The following ZNF487 variants were observed in gnomAD, a reference collection of about 807,000 sequenced individuals.
The protein encoded by ZNF487 is zinc finger protein 487, also known as KRAB domain only 1.
A neutral mutation model predicts 3.0 loss-of-function variants in ZNF487; 4 were observed. The ratio of observed to expected loss-of-function variants is 1.35; its 90% CI spans 0.66 to 3.08. The LOEUF (loss-of-function observed/expected upper bound fraction) is 3.08, where lower values mean the gene tolerates loss of function less well. Ranked by LOEUF, ZNF487 falls within the 30% of genes most tolerant of loss-of-function variation. The pLI is 0.01. For synonymous variants in ZNF487, 55 were observed against 34.6 expected, an observed-to-expected ratio of 1.59 and a Z score of -2.06; for missense variants, 146 against 98.7, an observed-to-expected ratio of 1.48 and a Z score of -2.03.
upstream of ZNF487, chr10:43,436,981 G>A (rs560329938): frequency 2.3e-5 from 10 of 438,908 alleles, no homozygotes; most frequent in East Asian, 8.8e-4. Context: ...TAGCAGGGTG[G>A]GATGCCCGTG....
At chr10:43,485,656 TTAGTA>T (rs1366713493), downstream of ZNF487, among the ~76,000 whole-genome samples, 11 of 152,198 alleles carry the variant, frequency 7.2e-5, no homozygotes, top group African/African-American at 2.7e-4. Context: ...GGTATGTAGA[TTAGTA>T]GAGTAACCAC....
At chr10:43,474,318 G>A (rs554419333) in intron 1 of ZNF487, among the ~76,000 whole-genome samples, 11 of 152,104 alleles carry the variant, frequency 7.2e-5, no homozygotes, top group African/African-American at 2.6e-4. Context: ...GCCAGGCGTG[G>A]TGGTGCGCCC....
At chr10:43,464,638 A>G (rs1052733447) in intron 1 of ZNF487, among the ~76,000 whole-genome samples, 1 of 152,206 alleles carries the variant, frequency 6.6e-6, no homozygotes, top group Non-Finnish European at 1.5e-5. Flanking sequence ...CCCTTAATCC[A>G]TTTAACCCTG....
rs1223591032 is a variant in ZNF487, at chr10:43,479,090, TATATATACACAC to T, written c.131-2327_131-2316del. On this transcript the variant is annotated intron_variant, in intron 3 of 3. Transcript: ENST00000437590. ...ATATGTATGTATGTATGTGTGTATATATATATACACACATATATACACATATATATGTGTGTA... is the reference window on the plus strand; with the variant it reads ...ATATGTATGTATGTATGTGTGTATATATATATACACATATATATGTGTGTA... Among the ~76,000 whole-genome samples, 11 of 129,918 alleles carry T rather than the reference TATATATACACAC, an allele frequency of 8.5e-5. 1 individual carries two copies. In the East Asian group the frequency reaches 9.5e-4, roughly 11 times the overall value. 85.2% of individuals were successfully genotyped at this position (129,918 alleles called of 152,430 possible).
At chr10:43,451,801 G>C (rs1486857674) in intron 1 of ZNF487, 11 of 152,296 alleles carry the variant, frequency 7.2e-5, no homozygotes, top group Non-Finnish European at 1.5e-5. Context: ...CCGACTTCAG[G>C]TGATCCTCCT....
intron 3 of ZNF487, among the ~76,000 whole-genome samples, chr10:43,480,020 TTTC>T (rs1841278890): frequency 1.5e-5 from 1 of 68,294 alleles, no homozygotes; most frequent in African/African-American, 3.4e-5. Flanking sequence ...TCTTTCTTTC[TTTC>T]TTTCTTTCTT....
the ZNF487 span, among the ~76,000 whole-genome samples, chr10:43,507,611 C>T: frequency 6.6e-6 from 1 of 152,230 alleles, no homozygotes; most frequent in Non-Finnish European, 1.5e-5. Flanking sequence ...CCATGCAAAA[C>T]CCCTAGCCAG....
chr10:43,463,300 A>C (rs1840501771), intron 1 of ZNF487, among the ~76,000 whole-genome samples: 1 of 151,574 alleles, frequency 6.6e-6, no homozygotes, highest in African/African-American at 2.4e-5. Flanking sequence ...CACTTTGGGA[A>C]GCCGAGGCAG....
At chr10:43,510,326 A>C in the ZNF487 span, among the ~76,000 whole-genome samples, 1 of 152,102 alleles carries the variant, frequency 6.6e-6, no homozygotes, top group Non-Finnish European at 1.5e-5. Context: ...GAGTGACCCA[A>C]ACCTTCATTC....
chr10:43,444,993 A>G (rs1258691414), intron 1 of ZNF487, among the ~76,000 whole-genome samples: 1 of 152,096 alleles, frequency 6.6e-6, no homozygotes, highest in Non-Finnish European at 1.5e-5. Context: ...GCTTTAAATC[A>G]TGACACAGCT....
At chr10:43,447,050 G>A (rs1041041077) in intron 1 of ZNF487, among the ~76,000 whole-genome samples, 8 of 152,058 alleles carry the variant, frequency 5.3e-5, no homozygotes, top group South Asian at 2.1e-4. Context: ...CCAGTCAGGC[G>A]TGGCAGCGTG....
chr10:43,446,548 C>A (rs557794782), intron 1 of ZNF487, among the ~76,000 whole-genome samples: 18 of 151,952 alleles, frequency 1.2e-4, no homozygotes, highest in African/African-American at 3.9e-4. Flanking sequence ...ATGCTCCTCA[C>A]CTCCCAGACG....
chr10:43,518,593 GA>G, the ZNF487 span, among the ~76,000 whole-genome samples: 1 of 151,996 alleles, frequency 6.6e-6, no homozygotes, highest in African/African-American at 2.4e-5. Flanking sequence ...ACTCAATCTT[GA>G]AGTGCTTATC....
the ZNF487 span, among the ~76,000 whole-genome samples, chr10:43,494,401 T>C: frequency 6.6e-6 from 1 of 152,198 alleles, no homozygotes; most frequent in Non-Finnish European, 1.5e-5. Context: ...CAGGCCAGAT[T>C]TGGCTGTGAA....
chr10:43,505,082 C>T, the ZNF487 span, among the ~76,000 whole-genome samples: 637 of 152,192 alleles, frequency 4.2e-3, 3 homozygotes, highest in Non-Finnish European at 6.6e-3. Context: ...TTCACAGGTA[C>T]AGTCACAGTG....
At chr10:43,502,328 A>G in the ZNF487 span, among the ~76,000 whole-genome samples, 1 of 152,132 alleles carries the variant, frequency 6.6e-6, no homozygotes, top group Admixed American at 6.6e-5. Flanking sequence ...TGGGAATTGA[A>G]CAATGAGAAC....
intron 1 of ZNF487, among the ~76,000 whole-genome samples, chr10:43,440,800 A>G (rs1364567082): frequency 6.6e-6 from 1 of 151,900 alleles, no homozygotes; most frequent in Non-Finnish European, 1.5e-5. Context: ...GCTTTTCTTT[A>G]TAATTTGACT....
At chr10:43,504,589 C>T in the ZNF487 span, among the ~76,000 whole-genome samples, 1 of 151,914 alleles carries the variant, frequency 6.6e-6, no homozygotes, top group Admixed American at 6.6e-5. Flanking sequence ...GCCACCATGC[C>T]CGGCACATGT....
At chr10:43,437,024 A>T, upstream of ZNF487, 1 of 366,996 alleles carries the variant, frequency 2.7e-6, no homozygotes, top group Admixed American at 3.2e-5. Context: ...GGCACGCGGG[A>T]GCAGCAAGGC....
Sources: gnomAD v4.1 joint callset for allele counts (sites outside exome capture counted in the v4.1 genomes callset) on GRCh38, gnomAD v4.1.1 for gene constraint, MANE v1.5 for transcripts, NCBI Gene and HGNC (gene_info 2026-07-23, HGNC 2026-07-21) for gene names.